The following DLG2 variants were observed in gnomAD, a reference collection of about 807,000 sequenced individuals.
The protein encoded by DLG2 is disks large homolog 2.
DLG2 carries 45 observed loss-of-function variants against 132.5 expected under a neutral mutation model. That is an observed-to-expected ratio of 0.34 (90% CI 0.27 to 0.44). The LOEUF is 0.44. Ranked by LOEUF, DLG2 falls within the 20% of genes least tolerant of loss-of-function variation. The pLI is 1.00. For synonymous variants in DLG2, 424 were observed against 419.6 expected (o/e 1.01, Z -0.13); for missense variants, 1,045 against 1,196.9 (o/e 0.87, Z 1.87).
chr11:83,576,106 A>G (rs916352216), intron 19 of DLG2, among the ~76,000 whole-genome samples: 3 of 152,248 alleles, frequency 2.0e-5, no homozygotes, highest in African/African-American at 7.2e-5. Flanking sequence ...TACAATGTTG[A>G]AAATGAAAAA....
At chr11:85,213,296 G>T (rs1279869552) in intron 4 of DLG2, among the ~76,000 whole-genome samples, 1 of 152,012 alleles carries the variant, frequency 6.6e-6, no homozygotes, top group Non-Finnish European at 1.5e-5. Flanking sequence ...AAGTGGTCAG[G>T]CTACAACTTG....
chr11:83,896,914 A>AT (rs1165741032), intron 15 of DLG2, among the ~76,000 whole-genome samples: 2 of 151,914 alleles, frequency 1.3e-5, no homozygotes, highest in African/African-American at 4.8e-5. Context: ...ACAGTACAAG[A>AT]TTTTTTAAAA....
chr11:84,111,042 G>T (rs10792720), intron 9 of DLG2, among the ~76,000 whole-genome samples: 204 of 151,696 alleles, frequency 1.3e-3, no homozygotes, highest in African/African-American at 4.6e-3. Context: ...AATTCTCTAA[G>T]TGATTCACAA....
intron 9 of DLG2, among the ~76,000 whole-genome samples, chr11:84,131,673 G>A (rs1235137121): frequency 6.6e-6 from 1 of 151,850 alleles, no homozygotes; most frequent in Non-Finnish European, 1.5e-5. Context: ...ATCACAATGG[G>A]CCTTATATGC....
intron 18 of DLG2, among the ~76,000 whole-genome samples, chr11:83,642,128 A>G (rs1354151687): frequency 6.6e-6 from 1 of 152,154 alleles, no homozygotes; most frequent in African/African-American, 2.4e-5. Flanking sequence ...TATGGATACC[A>G]TGAGGGCAAG....
At chr11:83,882,621 T>A (rs1398093327) in intron 15 of DLG2, among the ~76,000 whole-genome samples, 1 of 152,182 alleles carries the variant, frequency 6.6e-6, no homozygotes, top group Non-Finnish European at 1.5e-5. Flanking sequence ...TAAATACCAA[T>A]AAAACACTCA....
intron 16 of DLG2, among the ~76,000 whole-genome samples, chr11:83,863,330 G>A (rs1042197753): frequency 7.7e-4 from 117 of 152,082 alleles, no homozygotes; most frequent in African/African-American, 2.7e-3. Context: ...TGTAGAAAAC[G>A]TTTGAACTCT....
chr11:84,435,364 G>A (rs1210792662), intron 7 of DLG2, among the ~76,000 whole-genome samples: 1 of 152,134 alleles, frequency 6.6e-6, no homozygotes, highest in East Asian at 1.9e-4. Flanking sequence ...TCGACTGAGT[G>A]CCTACATTTT....
At chr11:84,152,041 A>C (rs1670679) in intron 9 of DLG2, among the ~76,000 whole-genome samples, 133,232 of 152,142 alleles carry the variant, frequency 0.88, 58,659 homozygotes, top group Middle Eastern at 0.95. Flanking sequence ...ATAGAATATT[A>C]TGTAGATGTT....
intron 23 of DLG2, among the ~76,000 whole-genome samples, chr11:83,472,347 A>G (rs1193902842): frequency 2.0e-5 from 3 of 152,140 alleles, no homozygotes; most frequent in Admixed American, 6.6e-5. Context: ...CAGATAGCCT[A>G]CATCTTAGGC....
At chr11:85,017,547 G>A (rs2059676224) in intron 6 of DLG2, among the ~76,000 whole-genome samples, 1 of 152,136 alleles carries the variant, frequency 6.6e-6, no homozygotes, top group Non-Finnish European at 1.5e-5. Context: ...TTAGCAAAGA[G>A]CACACAACAG....
intron 3 of DLG2, among the ~76,000 whole-genome samples, chr11:85,423,847 C>A (rs779000938): frequency 6.6e-6 from 1 of 152,180 alleles, no homozygotes; most frequent in Non-Finnish European, 1.5e-5. Flanking sequence ...TGCCCCACTA[C>A]CTGCATCCCA....
chr11:85,391,841 G>C (rs1315015084), intron 3 of DLG2, among the ~76,000 whole-genome samples: 1 of 151,960 alleles, frequency 6.6e-6, no homozygotes, highest in Non-Finnish European at 1.5e-5. Context: ...ATACTGACTG[G>C]GGAAAAGTTG....
chr11:85,530,835 T>C (rs183790349), intron 3 of DLG2, among the ~76,000 whole-genome samples: 9 of 152,344 alleles, frequency 5.9e-5, no homozygotes, highest in African/African-American at 2.2e-4. Context: ...TGGTTAGAAG[T>C]AGAGTTAAAA....
chr11:85,159,308 C>T (rs923191795), intron 4 of DLG2, among the ~76,000 whole-genome samples: 1 of 152,178 alleles, frequency 6.6e-6, no homozygotes, highest in Non-Finnish European at 1.5e-5. Context: ...TGCCAGAATG[C>T]ATAATTGGCA....
At chr11:84,792,858 A>G (rs370368401) in intron 6 of DLG2, among the ~76,000 whole-genome samples, 1 of 152,074 alleles carries the variant, frequency 6.6e-6, no homozygotes, top group East Asian at 1.9e-4. Flanking sequence ...TTATCTTTTC[A>G]AAAACATCTT....
intron 3 of DLG2, among the ~76,000 whole-genome samples, chr11:85,528,309 T>C (rs1320746934): frequency 1.3e-5 from 2 of 152,198 alleles, no homozygotes; most frequent in Non-Finnish European, 2.9e-5. Context: ...AGGATTTTCA[T>C]GGTTTTAGGA....
intron 6 of DLG2, among the ~76,000 whole-genome samples, chr11:84,991,335 C>G (rs769076486): frequency 2.6e-5 from 4 of 151,504 alleles, no homozygotes; most frequent in Non-Finnish European, 5.9e-5. Flanking sequence ...ATTGCAAAAC[C>G]CCGTCTCTAC....
intron 3 of DLG2, among the ~76,000 whole-genome samples, chr11:85,421,361 G>A (rs1232535912): frequency 6.6e-6 from 1 of 151,842 alleles, no homozygotes; most frequent in African/African-American, 2.4e-5. Flanking sequence ...GATCTCGCTG[G>A]GAGCTACAGA....
Sources: gnomAD v4.1 joint callset for allele counts (sites outside exome capture counted in the v4.1 genomes callset) on GRCh38, gnomAD v4.1.1 for gene constraint, MANE v1.5 for transcripts, NCBI Gene and HGNC (gene_info 2026-07-23, HGNC 2026-07-21) for gene names.